TRPM3: variants seen among roughly 807,000 people sequenced by gnomAD.
The protein encoded by TRPM3 is transient receptor potential cation channel subfamily M member 3, also known as long transient receptor potential channel 3.
Under a neutral mutation model 181.2 loss-of-function variants are expected in TRPM3, and 77 were observed. The observed-to-expected ratio is 0.42, with a 90% CI of 0.35 to 0.51. The LOEUF (loss-of-function observed/expected upper bound fraction) is 0.51. Ranked by LOEUF, TRPM3 falls within the 20% of genes least tolerant of loss-of-function variation. TRPM3 has a pLI of 0.01. For synonymous variants in TRPM3, 745 were observed against 796.4 expected (o/e 0.94, Z 1.09); for missense variants, 1,759 against 2,196.7 (o/e 0.80, Z 3.98).
At chr9:70,610,166 T>A in intron 19 of TRPM3, among the ~76,000 whole-genome samples, 1 of 152,004 alleles carries the variant, frequency 6.6e-6, no homozygotes, top group East Asian at 1.9e-4. Flanking sequence ...CACACACGCA[T>A]GCATACACAC....
At chr9:71,222,388 G>T (rs1003775533) in intron 1 of TRPM3, among the ~76,000 whole-genome samples, 1 of 152,126 alleles carries the variant, frequency 6.6e-6, no homozygotes, top group South Asian at 2.1e-4. Flanking sequence ...TTTTGGGAAG[G>T]GGGAGTAAGG....
In TRPM3 at chr9:71,376,337, G is replaced by A. The variant is rs191825653; in HGVS notation, c.183+70316C>T. Reference sequence around the variant, plus strand: ...TAAGGCAAATTCTTGTAATTTTGAAGAAACAATTTTCCCTTGCAAGTGATT... The same window carrying A: ...TAAGGCAAATTCTTGTAATTTTGAAAAAACAATTTTCCCTTGCAAGTGATT... On this transcript the variant is annotated intron_variant, in intron 1 of 24. Coordinates refer to the TRPM3 transcript ENST00000357533. Among the ~76,000 whole-genome samples the A allele has an allele frequency of 9.2e-4, 140 of 152,014 alleles. 1 individual carries two copies. Among genetic ancestry groups the A allele is most frequent in the South Asian group, 5.6e-3 (27 of 4,798 alleles).
At chr9:70,959,022 A>G in intron 1 of TRPM3, among the ~76,000 whole-genome samples, 1 of 135,524 alleles carries the variant, frequency 7.4e-6, no homozygotes, top group Non-Finnish European at 1.6e-5. Context: ...GAGGAGGGGG[A>G]GGGATAGCAT....
chr9:71,128,779 G>A (rs1027126294), intron 1 of TRPM3, among the ~76,000 whole-genome samples: 1 of 152,188 alleles, frequency 6.6e-6, no homozygotes, highest in African/African-American at 2.4e-5. Flanking sequence ...GAATTGGAGG[G>A]AGCTCAGCAT....
chr9:71,446,798 C>T (rs1041340070), exon 1 of TRPM3: 28 of 1,549,354 alleles, frequency 1.8e-5, no homozygotes, highest in Non-Finnish European at 2.4e-5. Flanking sequence ...GGAGCAGCCC[C>T]GCTCCATTTC....
intron 1 of TRPM3, among the ~76,000 whole-genome samples, chr9:71,350,946 C>T (rs1565488744): frequency 2.6e-5 from 4 of 152,178 alleles, no homozygotes; most frequent in African/African-American, 7.2e-5. Flanking sequence ...ATATCTACCT[C>T]CATGCTCATA....
intron 1 of TRPM3, among the ~76,000 whole-genome samples, chr9:71,255,496 C>G (rs1205292346): frequency 6.6e-6 from 1 of 152,122 alleles, no homozygotes; most frequent in Non-Finnish European, 1.5e-5. Context: ...GTCCACACAC[C>G]TCTGCTAAAA....
chr9:71,057,838 G>T (rs2060843393), intron 1 of TRPM3, among the ~76,000 whole-genome samples: 1 of 151,912 alleles, frequency 6.6e-6, no homozygotes, highest in Non-Finnish European at 1.5e-5. Context: ...ATTTAAAATA[G>T]ACTCAAATTT....
At chr9:71,015,388 C>T (rs945835590) in intron 1 of TRPM3, among the ~76,000 whole-genome samples, 1 of 152,260 alleles carries the variant, frequency 6.6e-6, no homozygotes, top group South Asian at 2.1e-4. Flanking sequence ...AAATGCTAAG[C>T]AGTGAATTAT....
chr9:70,804,351 A>C (rs779311372), intron 6 of TRPM3, among the ~76,000 whole-genome samples: 2 of 151,992 alleles, frequency 1.3e-5, no homozygotes, highest in East Asian at 3.9e-4. Flanking sequence ...AAAACAAAAC[A>C]AAACCCAAAA....
chr9:70,607,028 C>T (rs2061283750), intron 19 of TRPM3, among the ~76,000 whole-genome samples: 1 of 152,090 alleles, frequency 6.6e-6, no homozygotes, highest in Non-Finnish European at 1.5e-5. Context: ...CCTGCAGCCA[C>T]TTCACACCTT....
chr9:70,790,096 T>C (rs993488056), intron 6 of TRPM3, among the ~76,000 whole-genome samples: 2 of 152,240 alleles, frequency 1.3e-5, no homozygotes, highest in African/African-American at 4.8e-5. Flanking sequence ...TGGTGTTTAA[T>C]AGTAAAATGC....
intron 1 of TRPM3, among the ~76,000 whole-genome samples, chr9:71,398,852 A>G (rs888681874): frequency 2.6e-5 from 4 of 152,222 alleles, no homozygotes; most frequent in Non-Finnish European, 5.9e-5. Flanking sequence ...CAGGCAATCG[A>G]TAAGTAACAA....
intron 12 of TRPM3, among the ~76,000 whole-genome samples, chr9:70,629,219 G>T (rs987634105): frequency 2.7e-4 from 20 of 73,862 alleles, no homozygotes; most frequent in South Asian, 7.4e-4. Flanking sequence ...CAGTGCCGGG[G>T]GGGGGGGGGG....
At chr9:70,766,742 T>C (rs1410164558) in intron 7 of TRPM3, among the ~76,000 whole-genome samples, 1 of 152,218 alleles carries the variant, frequency 6.6e-6, no homozygotes, top group Non-Finnish European at 1.5e-5. Flanking sequence ...GTCATGACTC[T>C]GGTAACATGA....
intron 1 of TRPM3, among the ~76,000 whole-genome samples, chr9:71,315,416 A>C (rs1013133845): frequency 1.3e-5 from 2 of 152,140 alleles, no homozygotes; most frequent in African/African-American, 2.4e-5. Context: ...GCATTTTTCA[A>C]ACTTCCCATA....
At chr9:71,328,204 A>G (rs1588507561) in intron 1 of TRPM3, among the ~76,000 whole-genome samples, 4 of 152,010 alleles carry the variant, frequency 2.6e-5, no homozygotes, top group Admixed American at 2.0e-4. Context: ...TCGCTCTGTC[A>G]CCCAGGCTGG....
rs182441397 is a variant in TRPM3, at chr9:70,802,146, G to A, written c.974-17867C>T. 2.0e-5 allele frequency among the ~76,000 whole-genome samples: 3 copies of A among 150,850 alleles called. No individual in the cohort carries two copies. In the South Asian group the frequency reaches 6.2e-4, roughly 31 times the overall value. ...TCCTAGCGTAAAGCTGCAGGGAAAG[G>A]AGATTTTTGCCTGTGAAAAGAAGTG... is the stretch of plus-strand genomic sequence containing the variant. On this transcript the variant is annotated intron_variant, in intron 6 of 25. Coordinates refer to ENST00000677713, the MANE Select transcript of TRPM3 (RefSeq NM_001366145.2).
chr9:70,638,044 C>T (rs929971371), intron 11 of TRPM3, among the ~76,000 whole-genome samples: 2 of 151,950 alleles, frequency 1.3e-5, no homozygotes, highest in African/African-American at 4.8e-5. Context: ...GAAGTGGGAC[C>T]TTTGGGAGGT....
Sources: gnomAD v4.1 joint callset for allele counts (sites outside exome capture counted in the v4.1 genomes callset) on GRCh38, gnomAD v4.1.1 for gene constraint, MANE v1.5 for transcripts, NCBI Gene and HGNC (gene_info 2026-07-23, HGNC 2026-07-21) for gene names.